The following FAM168A variants were observed in gnomAD, a reference collection of about 807,000 sequenced individuals.
FAM168A encodes the protein family with sequence similarity 168 member A, also known as protein FAM168A.
FAM168A carries 3 observed loss-of-function variants against 28.5 expected under a neutral mutation model. The observed-to-expected ratio is 0.11, with a 90% CI of 0.05 to 0.27. FAM168A has a LOEUF of 0.27. Ranked by LOEUF, FAM168A falls within the 10% of genes least tolerant of loss-of-function variation. The pLI is 1.00. For missense variants in FAM168A, 222 were observed against 311.5 expected, an observed-to-expected ratio of 0.71 and a Z score of 2.16; for synonymous variants, 122 against 124.2, an observed-to-expected ratio of 0.98 and a Z score of 0.12.
rs74486401 is a variant in FAM168A at position 73,571,097 on chromosome 11, C to A, written c.-19+26826G>T. On this transcript the variant is annotated intron_variant, in intron 1 of 7. Transcript: ENST00000356467. ...CTTGCAATGAAGAAAAACTGACATC[C>A]CCCTGGAAAAAAATGAATAAAATTA... 4.8e-3 allele frequency among the ~76,000 whole-genome samples: 738 copies of A among 152,170 alleles called. 3 individuals are homozygous for A. Among genetic ancestry groups the A allele is most frequent in the East Asian group, 0.027 (139 of 5,184 alleles).
At chr11:73,410,112 G>GA (rs1050502302) in intron 5 of FAM168A, among the ~76,000 whole-genome samples, 2 of 151,558 alleles carry the variant, frequency 1.3e-5, no homozygotes, top group African/African-American at 2.4e-5. Context: ...AGTACATGTT[G>GA]AAAAAAAATG....
chr11:73,521,529 T>C (rs1943377044), intron 1 of FAM168A, among the ~76,000 whole-genome samples: 1 of 152,194 alleles, frequency 6.6e-6, no homozygotes, highest in African/African-American at 2.4e-5. Flanking sequence ...TTAGAACTTT[T>C]GCTCTGGTGG....
Position 73,529,796 on chromosome 11 carries a change from C to CTTTTTTTTTTTTTTTTTTTTT in FAM168A, c.-18-61305_-18-61304insAAAAAAAAAAAAAAAAAAAAA, listed in dbSNP as rs772530179. Reference sequence around the variant, plus strand: ...TCCTTCATTCAAACAACTTTTTCTTCTTTTTTTTTTTTTTTTGGAGACGCA... The same window carrying CTTTTTTTTTTTTTTTTTTTTT: ...TCCTTCATTCAAACAACTTTTTCTTCTTTTTTTTTTTTTTTTTTTTTTTTTTTTTTTTTTTTTGGAGACGCA... On this transcript the variant is annotated intron_variant, in intron 1 of 7. Transcript: ENST00000356467. 1.4e-4 allele frequency among the ~76,000 whole-genome samples: 18 copies of CTTTTTTTTTTTTTTTTTTTTT among 127,514 alleles called. 2 individuals are homozygous for CTTTTTTTTTTTTTTTTTTTTT. The highest frequency in any genetic ancestry group is 4.7e-4 in the South Asian group (2 of 4,260). The allele number at this position is 127,514 out of a possible 152,430, so 83.7% of individuals were successfully genotyped here.
intron 3 of FAM168A, among the ~76,000 whole-genome samples, chr11:73,429,221 A>C (rs1330376721): frequency 6.6e-6 from 1 of 152,172 alleles, no homozygotes; most frequent in Non-Finnish European, 1.5e-5. Flanking sequence ...TGACAGTAGA[A>C]TAAATACTAG....
At chr11:73,528,252 G>C (rs566753944) in intron 1 of FAM168A, among the ~76,000 whole-genome samples, 2 of 152,262 alleles carry the variant, frequency 1.3e-5, no homozygotes, top group African/African-American at 4.8e-5. Context: ...ATGAGGCTGA[G>C]ACTTGCTAGG....
chr11:73,412,737 G>A (rs1375805988), intron 4 of FAM168A, among the ~76,000 whole-genome samples: 1 of 152,214 alleles, frequency 6.6e-6, no homozygotes, highest in Non-Finnish European at 1.5e-5. Flanking sequence ...CTGCTGGGGA[G>A]GTGCTGAGGT....
At chr11:73,558,337 T>C (rs116221372) in intron 1 of FAM168A, among the ~76,000 whole-genome samples, 2,020 of 151,826 alleles carry the variant, frequency 0.013, 45 homozygotes, top group African/African-American at 0.045. Context: ...AGCATGGTGG[T>C]GCACATCTGT....
At chr11:73,538,054 T>A (rs992028175) in intron 1 of FAM168A, among the ~76,000 whole-genome samples, 1 of 152,148 alleles carries the variant, frequency 6.6e-6, no homozygotes. Flanking sequence ...TATCTATAAC[T>A]CCATTTTCAG....
At chr11:73,488,937 G>A (rs917379282) in intron 1 of FAM168A, among the ~76,000 whole-genome samples, 4 of 152,026 alleles carry the variant, frequency 2.6e-5, no homozygotes, top group Admixed American at 6.5e-5. Flanking sequence ...CACCTGGGCT[G>A]GAGTGCAGTG....
At chr11:73,483,204 G>C (rs1322469203) in intron 1 of FAM168A, among the ~76,000 whole-genome samples, 3 of 152,098 alleles carry the variant, frequency 2.0e-5, no homozygotes, top group African/African-American at 7.2e-5. Context: ...GATAAATTGT[G>C]GTTTTTATCA....
intron 1 of FAM168A, among the ~76,000 whole-genome samples, chr11:73,552,004 T>C (rs111883185): frequency 2.8e-4 from 42 of 152,326 alleles, no homozygotes; most frequent in African/African-American, 9.9e-4. Flanking sequence ...GAAGGAACGA[T>C]CTCACATTTT....
chr11:73,483,906 A>G (rs972563860), intron 1 of FAM168A, among the ~76,000 whole-genome samples: 2 of 152,238 alleles, frequency 1.3e-5, no homozygotes, highest in Non-Finnish European at 2.9e-5. Flanking sequence ...GCAAGAGTAT[A>G]AAGGCAGTAA....
intron 1 of FAM168A, among the ~76,000 whole-genome samples, chr11:73,593,921 G>A (rs540400259): frequency 2.0e-5 from 3 of 152,222 alleles, no homozygotes; most frequent in African/African-American, 7.2e-5. Context: ...TTTTCTCACC[G>A]TATTTGTCTA....
rs56294455 is a variant in FAM168A at position 73,445,419 on chromosome 11, C to CTTTTTTTTTTTTTTTTTTTTTTTTTTTT, written c.71-14677_71-14650dup. Among the ~76,000 whole-genome samples, 8 of 50,460 alleles carry CTTTTTTTTTTTTTTTTTTTTTTTTTTTT rather than the reference C, an allele frequency of 1.6e-4. 2 individuals are homozygous for CTTTTTTTTTTTTTTTTTTTTTTTTTTTT. Among genetic ancestry groups the CTTTTTTTTTTTTTTTTTTTTTTTTTTTT allele is most frequent in the African/African-American group, 4.3e-4 (6 of 14,032 alleles). The allele number at this position is 50,460 out of a possible 152,430, so 33.1% of individuals were successfully genotyped here. A position where few individuals can be genotyped will look rare whatever the true frequency, so the allele number is the denominator to read the frequency against. ...CCAGTAGATATATGTAAAAATGTCT[C>CTTTTTTTTTTTTTTTTTTTTTTTTTTTT]TTTTTTTTTTTTTTTTTTTTTTTTT... is the stretch of plus-strand genomic sequence containing the variant. On this transcript the variant is annotated intron_variant, in intron 2 of 7. Transcript: ENST00000356467.
chr11:73,419,755 C>T, intron 4 of FAM168A, 119 bp downstream of exon 4: 1 of 1,307,410 alleles, frequency 7.6e-7, no homozygotes, highest in Non-Finnish European at 1.0e-6. Flanking sequence ...GGTAAAAGAA[C>T]CTCTTAAAAC....
intron 1 of FAM168A, among the ~76,000 whole-genome samples, chr11:73,504,797 A>C (rs777618186): frequency 6.6e-6 from 1 of 152,258 alleles, no homozygotes; most frequent in Non-Finnish European, 1.5e-5. Context: ...AATGTGGTAC[A>C]TACATACCAT....
chr11:73,529,182 A>G (rs1159311889), intron 1 of FAM168A, among the ~76,000 whole-genome samples: 1 of 152,222 alleles, frequency 6.6e-6, no homozygotes, highest in African/African-American at 2.4e-5. Flanking sequence ...AGGAAGAGAA[A>G]TCACTTCCAC....
chr11:73,538,352 AAG>A (rs1466080469), intron 1 of FAM168A, among the ~76,000 whole-genome samples: 4 of 151,890 alleles, frequency 2.6e-5, no homozygotes, highest in African/African-American at 9.7e-5. Context: ...AAAAAAAAAA[AAG>A]AGAGAGAGAG....
In FAM168A at chr11:73,404,549, A is replaced by G. The variant is rs888817472; in HGVS notation, c.*2214T>C. ...AAAGAGGGTGGAAGGAGGTATTTGC[A>G]AAAAGTGAATTAACACTGGAAAACT... On this transcript the variant is annotated 3_prime_UTR_variant, in exon 8 of 8. Coordinates refer to ENST00000356467, the MANE Select transcript of FAM168A (RefSeq NM_015159.3). The G allele has an allele frequency of 2.0e-5, 3 of 152,250 alleles. No individual in the cohort carries two copies. The highest frequency in any genetic ancestry group is 7.2e-5 in the African/African-American group (3 of 41,454). The allele number at this position is 152,250 out of a possible 1,614,324, so 9.4% of individuals were successfully genotyped here.
Sources: gnomAD v4.1 joint callset for allele counts (sites outside exome capture counted in the v4.1 genomes callset) on GRCh38, gnomAD v4.1.1 for gene constraint, MANE v1.5 for transcripts, NCBI Gene and HGNC (gene_info 2026-07-23, HGNC 2026-07-21) for gene names.